Variants in COL16A1 observed in about 807,000 individuals in gnomAD.
COL16A1 encodes collagen type XVI alpha 1 chain.
Under a neutral mutation model 266.3 loss-of-function variants are expected in COL16A1, and 189 were observed. The ratio of observed to expected loss-of-function variants is 0.71; its 90% CI spans 0.63 to 0.80. COL16A1 has a LOEUF of 0.80. Ranked by LOEUF, COL16A1 falls within the 30% of genes least tolerant of loss-of-function variation. The probability of loss-of-function intolerance (pLI) is 0.00; values close to 1 mark genes in which losing one functional copy is unlikely to be tolerated. For synonymous variants in COL16A1, 740 were observed against 782.3 expected (o/e 0.95, Z 0.90); for missense variants, 1,928 against 2,122.4 (o/e 0.91, Z 1.80).
intron 64 of COL16A1, 66 bp downstream of exon 64, chr1:31,658,422 G>A (rs1207362407): frequency 1.7e-5 from 23 of 1,334,472 alleles, no homozygotes; most frequent in Non-Finnish European, 2.3e-5. Context: ...GTTGTGCTGT[G>A]CTCAACAGGC....
In COL16A1 at chr1:31,700,198, G is replaced by C. The variant is rs964022711; in HGVS notation, c.74-83C>G. 6.9e-6 allele frequency: 9 copies of C among 1,313,484 alleles called. No homozygotes were observed. The African/African-American group carries it at 1.2e-4, about 17-fold the overall frequency. 81.4% of individuals were successfully genotyped at this position (1,313,484 alleles called of 1,614,324 possible). A position where few individuals can be genotyped will look rare whatever the true frequency, so the allele number is the denominator to read the frequency against. On this transcript the variant is annotated intron_variant, in intron 2 of 70. Transcript: ENST00000373672. ...CTGGACGCCTGGGGAACCTGGGAGG[G>C]AGCAAGTTTATAGTCCTCACTCTGG...
rs575798423 is a variant in COL16A1, at chr1:31,671,310, C to T, written c.3150+305G>A. Among the ~76,000 whole-genome samples, 38 of 152,296 alleles carry T rather than the reference C, an allele frequency of 2.5e-4. No homozygotes were observed. In the East Asian group the frequency reaches 5.0e-3, roughly 20 times the overall value. ...TGAGCCTGAAGCCTAGGCCCCCTGC[C>T]GAGGGCGGCCTGGGGCCACTGTGGA... On this transcript the variant is annotated intron_variant, in intron 48 of 70. Transcript: ENST00000373672.
chr1:31,679,627 T>C lies in COL16A1; in HGVS notation c.2772+5A>G, dbSNP rs1218207519. ...CAAGCTCCTCATTCTCTTCTCCCCC[T>C]TTACCTGCAGCCCAGGTACTCCAGG... On this transcript the variant is annotated splice_donor_5th_base_variant and intron_variant, in intron 42 of 70. Transcript: ENST00000373672. 2 of 1,614,072 alleles carry C rather than the reference T, an allele frequency of 1.2e-6. No individual in the cohort carries two copies.
intron 52 of COL16A1, 141 bp downstream of exon 52, chr1:31,667,434 C>G: frequency 1.5e-6 from 1 of 680,112 alleles, no homozygotes; most frequent in East Asian, 2.9e-5. Context: ...CCACAGCACC[C>G]AGCCTGTGCT....
intron 13 of COL16A1, 128 bp downstream of exon 13, chr1:31,692,963 AC>A (rs1644340769): frequency 7.4e-6 from 7 of 945,086 alleles, no homozygotes; most frequent in East Asian, 2.6e-5. Flanking sequence ...CCTGGCCCTC[AC>A]CCCCCTCCCG....
intron 55 of COL16A1, 43 bp downstream of exon 55, chr1:31,665,540 A>C: frequency 6.2e-6 from 10 of 1,614,026 alleles, no homozygotes; most frequent in Non-Finnish European, 8.5e-6. Context: ...CCTCCCGATG[A>C]GACCACATCA....
chr1:31,692,612 C>T lies in COL16A1; in HGVS notation c.1144G>A (p.Glu382Lys), dbSNP rs373778609. The T allele has an allele frequency of 6.2e-7, 1 of 1,614,042 alleles. No individual in the cohort carries two copies. The highest frequency in any genetic ancestry group is 1.3e-5 in the African/African-American group (1 of 74,908). The change falls in exon 15 of 71, where the codon GAG (glutamate) becomes AAG (lysine). Residue 382 changes from glutamate to lysine, a missense_variant. Coordinates refer to ENST00000373672, the MANE Select transcript of COL16A1 (RefSeq NM_001856.4). Reference protein sequence around the residue: ...CAEGPKGEKGESGALGPSGLP... With the variant: ...CAEGPKGEKGKSGALGPSGLP... ...CCCACACTCACCAGAGCTCCTGACTCCCCCTTCTCTCCCTTCGGGCCTTCT... is the reference window on the plus strand; with the variant it reads ...CCCACACTCACCAGAGCTCCTGACTTCCCCTTCTCTCCCTTCGGGCCTTCT...
At chr1:31,702,687 C>T (rs1644763298) in intron 1 of COL16A1, among the ~76,000 whole-genome samples, 1 of 152,176 alleles carries the variant, frequency 6.6e-6, no homozygotes, top group Non-Finnish European at 1.5e-5. Flanking sequence ...TGATACCTTA[C>T]TAGCGCACCC....
intron 2 of COL16A1, 91 bp from the exon 3 acceptor site, chr1:31,700,206 T>C: frequency 4.3e-6 from 5 of 1,166,990 alleles, no homozygotes; most frequent in Non-Finnish European, 6.4e-6. Flanking sequence ...GGGAGCAAGT[T>C]TATAGTCCTC....
intron 12 of COL16A1, among the ~76,000 whole-genome samples, chr1:31,693,488 G>A (rs575381125): frequency 6.6e-6 from 1 of 152,290 alleles, no homozygotes; most frequent in South Asian, 2.1e-4. Flanking sequence ...ACACATGCAC[G>A]GTGGCAGAAA....
At chr1:31,696,522 G>A (rs1023483649) in intron 8 of COL16A1, among the ~76,000 whole-genome samples, 6 of 152,258 alleles carry the variant, frequency 3.9e-5, no homozygotes, top group Non-Finnish European at 8.8e-5. Context: ...TGGCCATGGT[G>A]CTGGGTGTAA....
chr1:31,679,216 A>T, intron 42 of COL16A1: 1 of 553,858 alleles, frequency 1.8e-6, no homozygotes, highest in Non-Finnish European at 3.1e-6. Context: ...TATAAGCTCC[A>T]AGAGGGCAGG....
In COL16A1 at chr1:31,699,889, C is replaced by T. The variant is rs760983772; in HGVS notation, c.190G>A (p.Ala64Thr). ...IHRLSLMKTS[A>T]IKKIRNPKGP... ...TTGGGGTTGCGGATCTTCTTGATGG[C>T]AGACGTCTTCATGAGGCTGAGTCGG... The change falls in exon 4 of 71, where the codon GCC becomes ACC. Residue 64 changes from alanine (A) to threonine (T), a missense_variant. Ala to Thr is a moderately conservative substitution (Grantham distance 58). Coordinates refer to ENST00000373672, the MANE Select transcript of COL16A1 (RefSeq NM_001856.4). 2 of 1,614,082 alleles carry T rather than the reference C, an allele frequency of 1.2e-6. No individual in the cohort carries two copies. Among genetic ancestry groups the T allele is most frequent in the East Asian group, 2.2e-5 (1 of 44,886 alleles).
chr1:31,691,868 T>C (rs1644285807), intron 17 of COL16A1, 137 bp downstream of exon 17: 18 of 1,419,602 alleles, frequency 1.3e-5, no homozygotes, highest in Non-Finnish European at 1.8e-5. Flanking sequence ...TGTCCCCTTC[T>C]TGCTGTGCCT....
In COL16A1 at chr1:31,684,585, C is replaced by A. The variant is rs1465277227; in HGVS notation, c.2098G>T (p.Gly700Trp). ...PGDPGTPGTTGRPGLSGEPGV... is the reference protein window; with the variant it reads ...PGDPGTPGTTWRPGLSGEPGV... Reference sequence around the variant, plus strand: ...GGCTCTCCTGACAGTCCTGGCCGCCCTGTGGTGCCCGGCGTTCCAGGGTCT... The same window carrying A: ...GGCTCTCCTGACAGTCCTGGCCGCCATGTGGTGCCCGGCGTTCCAGGGTCT... The change falls in exon 31 of 71, where the codon GGG (glycine) becomes TGG (tryptophan). Residue 700 changes from glycine to tryptophan, a missense_variant. Around this residue, in one of 2 missense-constraint regions of COL16A1, gnomAD observed 1,552 missense variants for 1,637.2 expected, o/e 0.95. Transcript: ENST00000373672. The A allele has an allele frequency of 6.2e-7, 1 of 1,613,972 alleles. No homozygotes were observed. Among genetic ancestry groups the A allele is most frequent in the Non-Finnish European group, 8.5e-7 (1 of 1,180,024 alleles).
rs1642630763 is a variant in COL16A1, at chr1:31,670,968, C to T, written c.3151-322G>A. On this transcript the variant is annotated intron_variant, in intron 48 of 70. Coordinates refer to ENST00000373672, the MANE Select transcript of COL16A1 (RefSeq NM_001856.4). This position sits in a 1 kb window ranked among gnomAD's most constrained non-coding sequence, Gnocchi z 4.5. Reference sequence around the variant, plus strand: ...TCAGCCTTGCCCACCATGCCTGCCACCCGACCTCCACCTGTCCCCCGAGTG... The same window carrying T: ...TCAGCCTTGCCCACCATGCCTGCCATCCGACCTCCACCTGTCCCCCGAGTG... Among the ~76,000 whole-genome samples the T allele has an allele frequency of 6.6e-6, 1 of 152,218 alleles. No homozygotes were observed.
chr1:31,670,511 A>C lies in COL16A1; in HGVS notation c.3195+91T>G. 7.8e-7 allele frequency: 1 copy of C among 1,289,074 alleles called. No individual in the cohort carries two copies. Among genetic ancestry groups the C allele is most frequent in the Non-Finnish European group, 9.9e-7 (1 of 1,007,734 alleles). The allele number at this position is 1,289,074 out of a possible 1,614,324, so 79.9% of individuals were successfully genotyped here. On this transcript the variant is annotated intron_variant, in intron 49 of 70. Transcript: ENST00000373672. The surrounding 1 kb of genome is among the most constrained non-coding windows in gnomAD (Gnocchi z 4.5). ...GGGGGACAACAAACACGGAGGACGG[A>C]GGTGAAGGCACGACAGGAGGGAGAC...
At chr1:31,667,890 C>T (rs1053236688) in intron 51 of COL16A1, among the ~76,000 whole-genome samples, 1 of 152,262 alleles carries the variant, frequency 6.6e-6, no homozygotes, top group East Asian at 1.9e-4. Context: ...TCCCAAACCC[C>T]TCACCCCCAG....
chr1:31,696,006 G>C, intron 9 of COL16A1, 82 bp downstream of exon 9: 1 of 1,275,064 alleles, frequency 7.8e-7, no homozygotes, highest in East Asian at 2.3e-5. Flanking sequence ...AGTGGGAGTG[G>C]AGCACCTTAT....
Sources: allele counts gnomAD v4.1 joint callset (sites outside exome capture counted in the v4.1 genomes callset), GRCh38; gene constraint gnomAD v4.1.1; regional missense constraint gnomAD v4.1.1; non-coding constraint Gnocchi (gnomAD v3.1); transcripts MANE v1.5; gene names NCBI Gene and HGNC (gene_info 2026-07-23, HGNC 2026-07-21).